The following ELAVL4 variants were observed in gnomAD, a reference collection of about 807,000 sequenced individuals.
The protein encoded by ELAVL4 is ELAV like RNA binding protein 4.
A neutral mutation model predicts 35.6 loss-of-function variants in ELAVL4; 1 was observed. The observed-to-expected ratio is 0.03, with a 90% CI of 0.01 to 0.13. The LOEUF (loss-of-function observed/expected upper bound fraction) is 0.13. ELAVL4 is among the 10% of genes least tolerant of loss of function. The probability of loss-of-function intolerance (pLI) is 1.00; values close to 1 mark genes in which losing one functional copy is unlikely to be tolerated. For missense variants in ELAVL4, 267 were observed against 464.9 expected (o/e 0.57, Z 3.91); for synonymous variants, 156 against 171.0 (o/e 0.91, Z 0.69).
chr1:50,060,265 T>G (rs1436908074), intron 1 of ELAVL4, among the ~76,000 whole-genome samples: 1 of 152,222 alleles, frequency 6.6e-6, no homozygotes, highest in Non-Finnish European at 1.5e-5. Context: ...GAGAGATTGT[T>G]ATGACCTTTT....
intron 3 of ELAVL4, among the ~76,000 whole-genome samples, chr1:50,190,002 A>G (rs947910126): frequency 2.0e-5 from 3 of 152,276 alleles, no homozygotes; most frequent in Admixed American, 2.0e-4. Flanking sequence ...GGGACTTCAG[A>G]TCTTCCATAG....
chr1:50,154,726 G>A (rs1312808545), intron 2 of ELAVL4, among the ~76,000 whole-genome samples: 1 of 150,204 alleles, frequency 6.7e-6, no homozygotes, highest in Non-Finnish European at 1.5e-5. Flanking sequence ...TCTTTTCTTT[G>A]CCTGGTTTGT....
intron 2 of ELAVL4, among the ~76,000 whole-genome samples, chr1:50,157,763 C>A (rs1676012028): frequency 1.3e-5 from 2 of 152,112 alleles, no homozygotes; most frequent in South Asian, 4.2e-4. Context: ...TGAATTTGTT[C>A]TTTTGTTCCT....
At chr1:50,060,068 C>T (rs1663880025) in intron 1 of ELAVL4, among the ~76,000 whole-genome samples, 1 of 152,104 alleles carries the variant, frequency 6.6e-6, no homozygotes, top group Non-Finnish European at 1.5e-5. Flanking sequence ...TGATTGTTCA[C>T]TTTAAAATGG....
At chr1:50,124,802 C>G (rs147772701) in intron 1 of ELAVL4, among the ~76,000 whole-genome samples, 1 of 152,070 alleles carries the variant, frequency 6.6e-6, no homozygotes, top group Non-Finnish European at 1.5e-5. Context: ...TTTCCACTCC[C>G]TATGCCTCAA....
chr1:50,162,144 T>A (rs1676912714), intron 2 of ELAVL4, among the ~76,000 whole-genome samples: 1 of 152,254 alleles, frequency 6.6e-6, no homozygotes, highest in Admixed American at 6.5e-5. Context: ...ATGCTTACCT[T>A]GTTGGATTGC....
chr1:50,048,992 C>T (rs1315851292), intron 1 of ELAVL4, among the ~76,000 whole-genome samples: 1 of 152,114 alleles, frequency 6.6e-6, no homozygotes, highest in Non-Finnish European at 1.5e-5. Flanking sequence ...ACCTCCCCTC[C>T]CCCAACATAT....
chr1:50,099,576 A>G (rs566661851), upstream of ELAVL4, among the ~76,000 whole-genome samples: 30 of 151,398 alleles, frequency 2.0e-4, no homozygotes, highest in South Asian at 6.0e-3. Context: ...AAAAAAAAAA[A>G]AAAAGAAAGA....
intron 1 of ELAVL4, among the ~76,000 whole-genome samples, chr1:50,069,285 T>TG (rs1358740447): frequency 1.3e-5 from 2 of 152,192 alleles, no homozygotes; most frequent in African/African-American, 4.8e-5. Context: ...TGGACCTCTC[T>TG]GGCCTCTATT....
chr1:50,092,975 C>T (rs1665559020), intron 1 of ELAVL4, among the ~76,000 whole-genome samples: 1 of 152,240 alleles, frequency 6.6e-6, no homozygotes, highest in South Asian at 2.1e-4. Flanking sequence ...TGCCTATTCT[C>T]ACTCCAATAT....
chr1:50,056,351 A>G (rs1014652241), intron 1 of ELAVL4, among the ~76,000 whole-genome samples: 9 of 152,242 alleles, frequency 5.9e-5, no homozygotes, highest in Non-Finnish European at 8.8e-5. Context: ...CATGCACCAC[A>G]TAAGTACGTT....
chr1:50,101,442 C>T (rs1461687000), upstream of ELAVL4, among the ~76,000 whole-genome samples: 1 of 152,050 alleles, frequency 6.6e-6, no homozygotes, highest in African/African-American at 2.4e-5. Flanking sequence ...GAGGACATAC[C>T]TAGCTAAAAG....
intron 2 of ELAVL4, among the ~76,000 whole-genome samples, chr1:50,155,594 G>A (rs369660531): frequency 6.6e-6 from 1 of 152,128 alleles, no homozygotes; most frequent in East Asian, 1.9e-4. Context: ...TATGGAGGAG[G>A]TGTTCTGAAG....
At chr1:50,172,676 A>T (rs1041410966) in intron 2 of ELAVL4, among the ~76,000 whole-genome samples, 2 of 152,208 alleles carry the variant, frequency 1.3e-5, no homozygotes, top group Non-Finnish European at 2.9e-5. Context: ...TACATAAAAA[A>T]GTTTTCTAAC....
At chr1:50,110,612 C>T (rs1666906342) in intron 1 of ELAVL4, among the ~76,000 whole-genome samples, 1 of 152,168 alleles carries the variant, frequency 6.6e-6, no homozygotes, top group African/African-American at 2.4e-5. Flanking sequence ...CGAGTGCCCA[C>T]TTTGACTTTG....
chr1:50,064,687 A>T (rs967174620), intron 1 of ELAVL4, among the ~76,000 whole-genome samples: 1 of 152,208 alleles, frequency 6.6e-6, no homozygotes, highest in East Asian at 1.9e-4. Flanking sequence ...CTGTGTTCCC[A>T]CAGAGAATTT....
intron 1 of ELAVL4, among the ~76,000 whole-genome samples, chr1:50,142,610 A>G (rs878932657): frequency 1.3e-5 from 2 of 152,198 alleles, no homozygotes; most frequent in Admixed American, 6.5e-5. Flanking sequence ...AAAACAAAAA[A>G]TAGTCTCTGA....
chr1:50,197,912 T>C (rs904635168), intron 6 of ELAVL4, among the ~76,000 whole-genome samples: 3 of 152,250 alleles, frequency 2.0e-5, no homozygotes, highest in Non-Finnish European at 4.4e-5. Context: ...GACAATCTTA[T>C]GATTTTTCAG....
rs541675819 is a variant in ELAVL4, at chr1:50,150,968, G to A, written c.250+5771G>A. 9.9e-5 allele frequency among the ~76,000 whole-genome samples: 15 copies of A among 152,284 alleles called. No individual in the cohort carries two copies. The East Asian group carries it at 2.9e-3, about 29-fold the overall frequency. On this transcript the variant is annotated intron_variant, in intron 2 of 6. Transcript: ENST00000371824. ...TTAAATAATAAATCAAGCTATCTTG[G>A]AGAATCATAATGGCCAATGCTTTTG...
Sources: gnomAD v4.1 joint callset for allele counts (sites outside exome capture counted in the v4.1 genomes callset) on GRCh38, gnomAD v4.1.1 for gene constraint, MANE v1.5 for transcripts, NCBI Gene and HGNC (gene_info 2026-07-23, HGNC 2026-07-21) for gene names.